DNAJC7: variants seen among roughly 807,000 people sequenced by gnomAD.
DNAJC7 encodes DnaJ heat shock protein family (Hsp40) member C7.
Under a neutral mutation model 67.4 loss-of-function variants are expected in DNAJC7, and 18 were observed. That is an observed-to-expected ratio of 0.27 (90% CI 0.18 to 0.40). The LOEUF (loss-of-function observed/expected upper bound fraction) is 0.40, where lower values mean the gene tolerates loss of function less well. Among genes scored for constraint, DNAJC7 ranks in the 10% least tolerant of loss-of-function variants. The probability of loss-of-function intolerance (pLI) is 1.00; values close to 1 mark genes in which losing one functional copy is unlikely to be tolerated. For synonymous variants in DNAJC7, 220 were observed against 207.8 expected (o/e 1.06, Z -0.50); for missense variants, 419 against 613.8 (o/e 0.68, Z 3.35).
At chr17:42,014,513 ATGTTTAAGTC>A (rs2052210652) in intron 1 of DNAJC7, 1 of 152,020 alleles carries the variant, frequency 6.6e-6, no homozygotes, top group African/African-American at 2.4e-5. Flanking sequence ...ATAAATAACT[ATGTTTAAGTC>A]TGTCGAAAAC....
intron 5 of DNAJC7, among the ~76,000 whole-genome samples, chr17:41,991,644 C>T (rs2051512588): frequency 6.6e-6 from 1 of 152,090 alleles, no homozygotes; most frequent in Non-Finnish European, 1.5e-5. Flanking sequence ...TTTGAGGGGA[C>T]ACTCATCACT....
chr17:42,003,712 A>C (rs782637368), intron 1 of DNAJC7, among the ~76,000 whole-genome samples: 4 of 152,014 alleles, frequency 2.6e-5, no homozygotes, highest in Non-Finnish European at 5.9e-5. Context: ...AGAAAAGAAG[A>C]CTTAGGATTA....
At chr17:42,001,890 G>A (rs377492720) in intron 1 of DNAJC7, among the ~76,000 whole-genome samples, 45 of 152,176 alleles carry the variant, frequency 3.0e-4, no homozygotes, top group African/African-American at 1.1e-3. Context: ...GCTGCTAGAA[G>A]GAGAAGGCAA....
At chr17:42,011,232 C>A (rs1045444324) in intron 1 of DNAJC7, 15 of 152,152 alleles carry the variant, frequency 9.9e-5, no homozygotes. Flanking sequence ...AAAGCAAGTG[C>A]CCAGTACTCA....
intron 1 of DNAJC7, among the ~76,000 whole-genome samples, chr17:42,006,374 T>G (rs2051956429): frequency 6.6e-6 from 1 of 151,900 alleles, no homozygotes; most frequent in Non-Finnish European, 1.5e-5. Flanking sequence ...ATTTAATTTT[T>G]GGGAAATTAT....
In DNAJC7 at chr17:41,976,569, C is replaced by G; in HGVS notation, c.*164G>C. On this transcript the variant is annotated 3_prime_UTR_variant, in exon 14 of 14. Coordinates refer to ENST00000457167, the MANE Select transcript of DNAJC7 (RefSeq NM_003315.4). Reference sequence around the variant, plus strand: ...CTGCCCTCGGTCTTCGGCATTGGTTCCCTTTGCTCCACCCCACTCACAGAG... The same window carrying G: ...CTGCCCTCGGTCTTCGGCATTGGTTGCCTTTGCTCCACCCCACTCACAGAG... 1.3e-6 allele frequency: 1 copy of G among 771,848 alleles called. No individual in the cohort carries two copies. The allele number at this position is 771,848 out of a possible 1,614,324, so 47.8% of individuals were successfully genotyped here.
chr17:41,977,123 A>G, intron 13 of DNAJC7, 138 bp downstream of exon 13: 1 of 885,788 alleles, frequency 1.1e-6, no homozygotes, highest in Non-Finnish European at 1.7e-6. Flanking sequence ...GCAACAGCCG[A>G]GTGGATAGAT....
intron 10 of DNAJC7, 123 bp downstream of exon 10, chr17:41,983,440 C>T: frequency 2.3e-6 from 2 of 882,392 alleles, no homozygotes; most frequent in Middle Eastern, 3.7e-4. Context: ...TCACTTCTTT[C>T]TGGCTGGTGA....
At chr17:42,000,030 A>C (rs2051765638) in intron 2 of DNAJC7, among the ~76,000 whole-genome samples, 1 of 137,322 alleles carries the variant, frequency 7.3e-6, no homozygotes, top group Non-Finnish European at 1.5e-5. Context: ...TGTTGGCCAG[A>C]GTGGTCTGAA....
intron 1 of DNAJC7, among the ~76,000 whole-genome samples, chr17:42,005,145 AGCATT>A (rs1445758678): frequency 6.6e-6 from 1 of 152,264 alleles, no homozygotes; most frequent in Non-Finnish European, 1.5e-5. Context: ...CTCTCAATTC[AGCATT>A]CATTCATTGC....
At chr17:41,996,686 G>A (rs1555648696) in intron 3 of DNAJC7, among the ~76,000 whole-genome samples, 1 of 152,050 alleles carries the variant, frequency 6.6e-6, no homozygotes, top group African/African-American at 2.4e-5. Context: ...ATATGCCTGT[G>A]GTCCCAGCTA....
At chr17:42,008,099 G>A (rs1598151040) in intron 1 of DNAJC7, among the ~76,000 whole-genome samples, 1 of 151,856 alleles carries the variant, frequency 6.6e-6, no homozygotes. Context: ...GATCACCTGA[G>A]GTCAGAAGTT....
Position 41,997,322 on chromosome 17 carries a change from C to T in DNAJC7, c.167-83G>A, listed in dbSNP as rs535929074. ...ACTTAGAGGGGGCTGGGCGCAGTGG[C>T]TCATGCCCATAATCCCAGTACTTTG... On this transcript the variant is annotated intron_variant, in intron 2 of 13. Transcript: ENST00000457167. 2.4e-5 allele frequency: 36 copies of T among 1,510,442 alleles called. No individual in the cohort carries two copies. The South Asian group carries it at 3.9e-4, about 16-fold the overall frequency. The allele number at this position is 1,510,442 out of a possible 1,614,324, so 93.6% of individuals were successfully genotyped here. A position where few individuals can be genotyped will look rare whatever the true frequency, so the allele number is the denominator to read the frequency against.
rs188082705 is a variant in DNAJC7 at position 41,977,049 on chromosome 17, G to C, written c.1447+212C>G. On this transcript the variant is annotated intron_variant, in intron 13 of 13. Transcript: ENST00000457167. ...TTAGAGATGCCTCCCTGACCCTGCA[G>C]AGATGCGGTGGCTAAAGGTCCCAAG... 8.2e-4 allele frequency: 531 copies of C among 649,822 alleles called. 15 individuals carry two copies. In the Admixed American group the frequency reaches 0.015, roughly 19 times the overall value. 40.3% of individuals were successfully genotyped at this position (649,822 alleles called of 1,614,324 possible). A position where few individuals can be genotyped will look rare whatever the true frequency, so the allele number is the denominator to read the frequency against.
At chr17:42,015,727 A>G (rs2052254384) in intron 1 of DNAJC7, 1 of 151,686 alleles carries the variant, frequency 6.6e-6, no homozygotes. Flanking sequence ...GGTGGTGGGC[A>G]CGTGTAGTCC....
intron 13 of DNAJC7, 118 bp from the exon 14 acceptor site, chr17:41,976,888 T>C (rs1555644930): frequency 2.3e-6 from 3 of 1,299,466 alleles, no homozygotes; most frequent in African/African-American, 1.5e-5. Context: ...AGAGAAACTC[T>C]ATGGGTATCA....
chr17:42,014,261 G>A (rs976078361), intron 1 of DNAJC7: 10 of 149,486 alleles, frequency 6.7e-5, no homozygotes, highest in African/African-American at 2.0e-4. Flanking sequence ...TCCGCCTCCC[G>A]GGTTCAAGCG....
intron 1 of DNAJC7, among the ~76,000 whole-genome samples, chr17:42,006,195 C>T (rs2051948239): frequency 6.6e-6 from 1 of 151,238 alleles, no homozygotes; most frequent in Non-Finnish European, 1.5e-5. Flanking sequence ...CCTCTGTTAC[C>T]TAGGCTGGAG....
intron 5 of DNAJC7, among the ~76,000 whole-genome samples, chr17:41,993,727 C>A (rs1329524540): frequency 1.3e-5 from 2 of 152,026 alleles, no homozygotes; most frequent in African/African-American, 4.8e-5. Context: ...ATAATAACTG[C>A]GAGGTCTAGA....
Sources: gnomAD v4.1 joint callset for allele counts (sites outside exome capture counted in the v4.1 genomes callset) on GRCh38, gnomAD v4.1.1 for gene constraint, MANE v1.5 for transcripts, NCBI Gene and HGNC (gene_info 2026-07-23, HGNC 2026-07-21) for gene names.